ADCY1: variants seen among roughly 807,000 people sequenced by gnomAD.
ADCY1 encodes the protein adenylate cyclase type 1.
ADCY1 carries 28 observed loss-of-function variants against 105.4 expected under a neutral mutation model. That is an observed-to-expected ratio of 0.27 (90% CI 0.20 to 0.36). The LOEUF (loss-of-function observed/expected upper bound fraction) is 0.36. Ranked by LOEUF, ADCY1 falls within the 10% of genes least tolerant of loss-of-function variation. The probability of loss-of-function intolerance (pLI) is 1.00; values close to 1 mark genes in which losing one functional copy is unlikely to be tolerated. For synonymous variants in ADCY1, 655 were observed against 623.8 expected (o/e 1.05, Z -0.75); for missense variants, 977 against 1,434.2 (o/e 0.68, Z 5.15).
At chr7:45,590,197 C>T (rs974758508) in intron 1 of ADCY1, among the ~76,000 whole-genome samples, 5 of 152,154 alleles carry the variant, frequency 3.3e-5, no homozygotes, top group South Asian at 2.1e-4. Context: ...ACAACTGACC[C>T]GCCAGCTGTG....
intron 14 of ADCY1, among the ~76,000 whole-genome samples, chr7:45,695,488 G>C (rs1431932539): frequency 6.6e-6 from 1 of 152,156 alleles, no homozygotes; most frequent in African/African-American, 2.4e-5. Context: ...ATCCAGAGTG[G>C]AATGGCATTC....
intron 2 of ADCY1, 132 bp downstream of exon 2, chr7:45,593,040 T>C: frequency 7.5e-7 from 1 of 1,324,886 alleles, no homozygotes; most frequent in East Asian, 2.5e-5. Flanking sequence ...ATGTTGGTAT[T>C]TGAGGCTGTG....
Position 45,718,415 on chromosome 7 carries a change from C to T in ADCY1, c.*4420C>T, listed in dbSNP as rs923168828. The T allele has an allele frequency of 2.0e-5, 3 of 152,172 alleles. No homozygotes were observed. Among genetic ancestry groups the T allele is most frequent in the Admixed American group, 1.3e-4 (2 of 15,284 alleles). 9.4% of individuals were successfully genotyped at this position (152,172 alleles called of 1,614,324 possible). ...TGGTAGAAGAGCCCTCTGAACAGGACACCTGTTCAGGCCTGGGGGCCCCAT... is the reference window on the plus strand; with the variant it reads ...TGGTAGAAGAGCCCTCTGAACAGGATACCTGTTCAGGCCTGGGGGCCCCAT... On this transcript the variant is annotated 3_prime_UTR_variant, in exon 20 of 20. Coordinates refer to ENST00000297323, the MANE Select transcript of ADCY1 (RefSeq NM_021116.4).
rs755563183 is a variant in ADCY1 at position 45,648,843 on chromosome 7, C to A, written c.1148+46C>A. The A allele has an allele frequency of 8.7e-5, 140 of 1,601,090 alleles. 1 individual carries two copies. The Admixed American group carries it at 2.3e-3, about 26-fold the overall frequency. On this transcript the variant is annotated intron_variant, in intron 5 of 19. Coordinates refer to ENST00000297323, the MANE Select transcript of ADCY1 (RefSeq NM_021116.4). ...AGAGGAGTGGCCTGGGGCATCTACA[C>A]ATTGAAATCCTAGAAGCTGAGCCAC... is the stretch of plus-strand genomic sequence containing the variant.
At chr7:45,694,120 A>T (rs916669234) in intron 14 of ADCY1, among the ~76,000 whole-genome samples, 11 of 30,048 alleles carry the variant, frequency 3.7e-4, no homozygotes, top group Non-Finnish European at 6.9e-4. Context: ...TATAATAAAA[A>T]AAAAAAAAAA....
Position 45,575,291 on chromosome 7 carries a change from T to A in ADCY1, c.639+109T>A. The A allele has an allele frequency of 2.2e-6, 3 of 1,375,092 alleles. No homozygotes were observed. Among genetic ancestry groups the A allele is most frequent in the Non-Finnish European group, 1.9e-6 (2 of 1,036,848 alleles). The allele number at this position is 1,375,092 out of a possible 1,614,324, so 85.2% of individuals were successfully genotyped here. On this transcript the variant is annotated intron_variant, in intron 1 of 19. Coordinates refer to ENST00000297323, the MANE Select transcript of ADCY1 (RefSeq NM_021116.4). This position sits in a 1 kb window ranked among gnomAD's most constrained non-coding sequence, Gnocchi z 4.7. Reference sequence around the variant, plus strand: ...TTTCCTATGCGGCGGGTGGGGACACTGAGGCTCCGAGTGGGGGTGTGTTCA... The same window carrying A: ...TTTCCTATGCGGCGGGTGGGGACACAGAGGCTCCGAGTGGGGGTGTGTTCA...
intron 14 of ADCY1, among the ~76,000 whole-genome samples, chr7:45,695,742 G>T (rs948362596): frequency 6.6e-6 from 1 of 152,248 alleles, no homozygotes; most frequent in South Asian, 2.1e-4. Flanking sequence ...GTGGAGAGCA[G>T]TGTGGTAGCA....
chr7:45,691,957 T>C lies in ADCY1; in HGVS notation c.2454+5284T>C, dbSNP rs539788371. 4.0e-5 allele frequency among the ~76,000 whole-genome samples: 6 copies of C among 151,256 alleles called. No individual in the cohort carries two copies. In the South Asian group the frequency reaches 1.2e-3, roughly 31 times the overall value. ...CATATAAAGCCGTGGTCATCATGCT[T>C]CTTGGACCCTGAAATGTTGTACGCT... On this transcript the variant is annotated intron_variant, in intron 14 of 19. Coordinates refer to ENST00000297323, the MANE Select transcript of ADCY1 (RefSeq NM_021116.4).
chr7:45,674,812 A>C (rs1467009929), intron 8 of ADCY1, among the ~76,000 whole-genome samples: 1 of 152,054 alleles, frequency 6.6e-6, no homozygotes, highest in Non-Finnish European at 1.5e-5. Flanking sequence ...ATCCCTGGTA[A>C]ATTTTTTTGC....
intron 4 of ADCY1, among the ~76,000 whole-genome samples, chr7:45,635,819 A>G (rs954215054): frequency 6.6e-6 from 1 of 151,740 alleles, no homozygotes; most frequent in African/African-American, 2.4e-5. Flanking sequence ...TGTTGTTAAG[A>G]GTGTGTTCAG....
Position 45,721,309 on chromosome 7 carries a change from A to G in ADCY1, c.*7314A>G, listed in dbSNP as rs1785467236. 3 of 171,212 alleles carry G rather than the reference A, an allele frequency of 1.8e-5. No individual in the cohort carries two copies. The highest frequency in any genetic ancestry group is 3.7e-5 in the Non-Finnish European group (3 of 80,782). The allele number at this position is 171,212 out of a possible 1,614,324, so 10.6% of individuals were successfully genotyped here. ...GGGTAAGAGGAATTCCTCCTTCTTTACTAACTGATCCCCAGCAAGGAAATA... is the reference window on the plus strand; with the variant it reads ...GGGTAAGAGGAATTCCTCCTTCTTTGCTAACTGATCCCCAGCAAGGAAATA... On this transcript the variant is annotated 3_prime_UTR_variant, in exon 20 of 20. Transcript: ENST00000297323.
At chr7:45,615,699 C>T (rs1793720318) in intron 3 of ADCY1, among the ~76,000 whole-genome samples, 3 of 152,000 alleles carry the variant, frequency 2.0e-5, no homozygotes, top group Admixed American at 2.0e-4. Context: ...GGAACAGAAG[C>T]AGTAATAAGA....
chr7:45,676,238 T>A (rs1242244476), intron 8 of ADCY1, among the ~76,000 whole-genome samples: 1 of 152,152 alleles, frequency 6.6e-6, no homozygotes, highest in African/African-American at 2.4e-5. Context: ...TATACTTTCC[T>A]TTTTTCTGAG....
At chr7:45,640,126 C>T (rs1358705221) in intron 4 of ADCY1, among the ~76,000 whole-genome samples, 2 of 152,158 alleles carry the variant, frequency 1.3e-5, no homozygotes, top group South Asian at 2.1e-4. Context: ...GATGACAAGG[C>T]GAACATTCAT....
intron 8 of ADCY1, among the ~76,000 whole-genome samples, chr7:45,668,497 T>A (rs1194450723): frequency 6.6e-6 from 1 of 152,216 alleles, no homozygotes; most frequent in Non-Finnish European, 1.5e-5. Flanking sequence ...TCATGGTGGA[T>A]AAGCTTTTTG....
chr7:45,674,635 G>C (rs921405711), intron 8 of ADCY1, among the ~76,000 whole-genome samples: 6 of 152,190 alleles, frequency 3.9e-5, no homozygotes, highest in Admixed American at 3.9e-4. Flanking sequence ...GCCTCCCAAA[G>C]TGCTGGGATT....
intron 8 of ADCY1, among the ~76,000 whole-genome samples, chr7:45,667,629 T>G (rs1289358789): frequency 6.6e-6 from 1 of 152,196 alleles, no homozygotes; most frequent in Non-Finnish European, 1.5e-5. Context: ...TTTGGTTCCA[T>G]ATGAACTTTA....
intron 2 of ADCY1, among the ~76,000 whole-genome samples, chr7:45,603,652 G>A (rs138512200): frequency 0.019 from 2,872 of 152,136 alleles, 80 homozygotes; most frequent in South Asian, 0.13. Flanking sequence ...TGGAACATCC[G>A]TCACCCTGAG....
chr7:45,610,619 G>A, intron 3 of ADCY1, 122 bp downstream of exon 3: 2 of 846,064 alleles, frequency 2.4e-6, no homozygotes, highest in East Asian at 2.5e-5. Context: ...GGGAAAGAAT[G>A]GGGGTGTGGA....
Sources: gnomAD v4.1 joint callset for allele counts (sites outside exome capture counted in the v4.1 genomes callset) on GRCh38, gnomAD v4.1.1 for gene constraint, Gnocchi (gnomAD v3.1) non-coding constraint, MANE v1.5 for transcripts, NCBI Gene and HGNC (gene_info 2026-07-23, HGNC 2026-07-21) for gene names.